The following ATRNL1 variants were observed in gnomAD, a reference collection of about 807,000 sequenced individuals.
ATRNL1 encodes the protein attractin like 1.
ATRNL1 carries 95 observed loss-of-function variants against 182.7 expected under a neutral mutation model. The observed-to-expected ratio is 0.52, with a 90% CI of 0.44 to 0.62. The LOEUF (loss-of-function observed/expected upper bound fraction) is 0.62, where lower values mean the gene tolerates loss of function less well. Among genes scored for constraint, ATRNL1 ranks in the 20% least tolerant of loss-of-function variants. The pLI is 0.00. For missense variants in ATRNL1, 1,471 were observed against 1,679.5 expected (o/e 0.88, Z 2.17); for synonymous variants, 576 against 568.3 (o/e 1.01, Z -0.19).
At chr10:115,420,154 C>T (rs924361567) in intron 20 of ATRNL1, among the ~76,000 whole-genome samples, 4 of 151,674 alleles carry the variant, frequency 2.6e-5, no homozygotes, top group South Asian at 4.1e-4. Context: ...AGCAATTCTC[C>T]TGCCTTGGCT....
At chr10:115,877,415 C>T (rs1469548111) in intron 28 of ATRNL1, among the ~76,000 whole-genome samples, 1 of 152,162 alleles carries the variant, frequency 6.6e-6, no homozygotes, top group Non-Finnish European at 1.5e-5. Context: ...TTGCTCAAAC[C>T]AAGTCCATCT....
In ATRNL1 at chr10:115,789,508, C is replaced by G. The variant is rs564579168; in HGVS notation, c.3904-58369C>G. On this transcript the variant is annotated intron_variant, in intron 27 of 28. Coordinates refer to ENST00000355044, the MANE Select transcript of ATRNL1 (RefSeq NM_207303.4). ...TGCGCTCCTCCCAGGGCACCGAGCA[C>G]TACTGCTGAAAGGGCTCAACTGCGG... Among the ~76,000 whole-genome samples, 84 of 152,268 alleles carry G rather than the reference C, an allele frequency of 5.5e-4. 3 individuals carry two copies. In the South Asian group the frequency reaches 0.017, roughly 30 times the overall value.
chr10:115,189,159 A>G (rs1848070803), intron 8 of ATRNL1, among the ~76,000 whole-genome samples: 2 of 152,088 alleles, frequency 1.3e-5, no homozygotes. Flanking sequence ...AGTGCAATGC[A>G]TTGCTCATGT....
At chr10:115,707,913 T>C (rs1296544808) in intron 26 of ATRNL1, among the ~76,000 whole-genome samples, 1 of 151,676 alleles carries the variant, frequency 6.6e-6, no homozygotes, top group East Asian at 1.9e-4. Context: ...TGTTGGCAAA[T>C]AGCTTTCCAG....
At chr10:115,779,613 G>C (rs1949213130) in intron 27 of ATRNL1, among the ~76,000 whole-genome samples, 1 of 152,138 alleles carries the variant, frequency 6.6e-6, no homozygotes, top group Non-Finnish European at 1.5e-5. Flanking sequence ...CTAAATATTA[G>C]GAGGACTGTG....
chr10:115,281,900 CAAT>C (rs1249210179), intron 14 of ATRNL1, among the ~76,000 whole-genome samples: 1 of 148,302 alleles, frequency 6.7e-6, no homozygotes, highest in Non-Finnish European at 1.5e-5. Flanking sequence ...TTTAAGGCAA[CAAT>C]AATATAGAAC....
intron 26 of ATRNL1, among the ~76,000 whole-genome samples, chr10:115,582,492 C>T (rs1213224498): frequency 1.5e-5 from 2 of 130,464 alleles, no homozygotes; most frequent in Non-Finnish European, 3.3e-5. Context: ...TCTCTGATGG[C>T]CAGTGATGGT....
At chr10:115,580,555 G>A (rs909515899) in intron 26 of ATRNL1, among the ~76,000 whole-genome samples, 30 of 151,918 alleles carry the variant, frequency 2.0e-4, no homozygotes, top group African/African-American at 6.8e-4. Context: ...ATTACAATGT[G>A]TTTCAGTGTG....
Position 115,195,292 on chromosome 10 carries a change from G to A in ATRNL1, c.1349-20405G>A, listed in dbSNP as rs970036604. Among the ~76,000 whole-genome samples, 4 of 152,064 alleles carry A rather than the reference G, an allele frequency of 2.6e-5. No homozygotes were observed. In the South Asian group the frequency reaches 6.2e-4, roughly 24 times the overall value. On this transcript the variant is annotated intron_variant, in intron 8 of 28. Coordinates refer to ENST00000355044, the MANE Select transcript of ATRNL1 (RefSeq NM_207303.4). ...TTAACATTTCTTATAAGACAGACATGTTGTTGATGAAATCCTTTGGTTTTT... is the reference window on the plus strand; with the variant it reads ...TTAACATTTCTTATAAGACAGACATATTGTTGATGAAATCCTTTGGTTTTT...
intron 5 of ATRNL1, among the ~76,000 whole-genome samples, chr10:115,155,590 C>T (rs1846474417): frequency 6.6e-6 from 1 of 152,046 alleles, no homozygotes. Context: ...TGCTGTTACT[C>T]CTTTACAGCT....
intron 26 of ATRNL1, among the ~76,000 whole-genome samples, chr10:115,720,933 A>G (rs141134241): frequency 6.6e-6 from 1 of 152,212 alleles, no homozygotes; most frequent in Non-Finnish European, 1.5e-5. Context: ...AAATAACTTA[A>G]GGAAGTAGAG....
At chr10:115,749,409 C>T (rs1555070055) in intron 27 of ATRNL1, among the ~76,000 whole-genome samples, 1 of 151,328 alleles carries the variant, frequency 6.6e-6, no homozygotes, top group East Asian at 1.9e-4. Flanking sequence ...TGTGTAGAGC[C>T]TTGTGCTGAT....
At chr10:115,937,306 G>T (rs1182747543) in intron 28 of ATRNL1, among the ~76,000 whole-genome samples, 3 of 152,200 alleles carry the variant, frequency 2.0e-5, no homozygotes, top group Non-Finnish European at 2.9e-5. Flanking sequence ...ATGATCATTT[G>T]CACTGAAACA....
chr10:115,721,787 G>A (rs143231042), intron 26 of ATRNL1, among the ~76,000 whole-genome samples: 106 of 152,252 alleles, frequency 7.0e-4, no homozygotes, highest in Admixed American at 1.2e-3. Flanking sequence ...AGGATATTTT[G>A]AAATCTATAT....
At chr10:115,629,268 C>T (rs12260912) in intron 26 of ATRNL1, among the ~76,000 whole-genome samples, 1,698 of 152,176 alleles carry the variant, frequency 0.011, 32 homozygotes, top group African/African-American at 0.039. Context: ...ATGTTTAGTG[C>T]GGGTCCAACT....
At chr10:115,191,709 T>C (rs1848175584) in intron 8 of ATRNL1, among the ~76,000 whole-genome samples, 1 of 152,004 alleles carries the variant, frequency 6.6e-6, no homozygotes, top group African/African-American at 2.4e-5. Context: ...CTGTGTTCAT[T>C]ATCCTCCCTG....
At chr10:115,536,992 TG>T (rs1554990633) in intron 25 of ATRNL1, among the ~76,000 whole-genome samples, 91 of 152,258 alleles carry the variant, frequency 6.0e-4, no homozygotes, top group African/African-American at 2.1e-3. Flanking sequence ...AAGATTATGA[TG>T]ATGGATATGG....
intron 19 of ATRNL1, among the ~76,000 whole-genome samples, chr10:115,381,425 C>A (rs187369541): frequency 2.1e-5 from 1 of 47,160 alleles, no homozygotes; most frequent in Non-Finnish European, 5.2e-5. Context: ...TGCCACCATA[C>A]CTGGCAATTT....
chr10:115,690,288 G>C (rs1555047666), intron 26 of ATRNL1, among the ~76,000 whole-genome samples: 1 of 151,896 alleles, frequency 6.6e-6, no homozygotes, highest in East Asian at 1.9e-4. Context: ...ATGGGGGTGG[G>C]TATTGGGGGG....
Sources: allele counts gnomAD v4.1 joint callset (sites outside exome capture counted in the v4.1 genomes callset), GRCh38; gene constraint gnomAD v4.1.1; transcripts MANE v1.5; gene names NCBI Gene and HGNC (gene_info 2026-07-23, HGNC 2026-07-21).